Variants in NRXN1 observed in about 807,000 individuals in gnomAD.
The protein encoded by NRXN1 is neurexin 1.
A neutral mutation model predicts 150.9 loss-of-function variants in NRXN1; 39 were observed. The ratio of observed to expected loss-of-function variants is 0.26; its 90% CI spans 0.20 to 0.34. NRXN1 has a LOEUF of 0.34. Among genes scored for constraint, NRXN1 ranks in the 10% least tolerant of loss-of-function variants. The pLI, the probability that NRXN1 is intolerant of heterozygous loss-of-function variation, is 1.00. For synonymous variants in NRXN1, 924 were observed against 757.0 expected, an observed-to-expected ratio of 1.22 and a Z score of -3.62; for missense variants, 1,815 against 1,949.9, an observed-to-expected ratio of 0.93 and a Z score of 1.30.
chr2:50,486,788 G>A (rs1165141972), intron 15 of NRXN1, among the ~76,000 whole-genome samples: 1 of 152,084 alleles, frequency 6.6e-6, no homozygotes, highest in Non-Finnish European at 1.5e-5. Context: ...GCTTGTACTA[G>A]GGTAGTTATG....
intron 5 of NRXN1, among the ~76,000 whole-genome samples, chr2:50,660,709 C>T (rs1559088883): frequency 6.6e-6 from 1 of 151,966 alleles, no homozygotes; most frequent in South Asian, 2.1e-4. Flanking sequence ...AGGAAGCAGG[C>T]CAGTGCCATA....
chr2:50,814,150 CCT>C (rs1175187257), intron 5 of NRXN1, among the ~76,000 whole-genome samples: 1 of 151,922 alleles, frequency 6.6e-6, no homozygotes, highest in African/African-American at 2.4e-5. Context: ...GACTTTCTAC[CCT>C]CTCTGTTTGT....
intron 18 of NRXN1, among the ~76,000 whole-genome samples, chr2:50,163,164 GTATATATA>G (rs59163565): frequency 7.1e-6 from 1 of 141,754 alleles, no homozygotes; most frequent in Non-Finnish European, 1.5e-5. Flanking sequence ...AATCCAAAAT[GTATATATA>G]TATATATATA....
At chr2:50,667,282 T>C (rs1209592400) in intron 5 of NRXN1, among the ~76,000 whole-genome samples, 2 of 151,966 alleles carry the variant, frequency 1.3e-5, no homozygotes, top group Non-Finnish European at 1.5e-5. Context: ...AATTTCATAA[T>C]TGCTATCTTC....
intron 17 of NRXN1, among the ~76,000 whole-genome samples, chr2:50,388,505 A>G (rs543295180): frequency 7.5e-4 from 114 of 152,206 alleles, no homozygotes; most frequent in Admixed American, 2.8e-3. Context: ...ATTGCCCTGT[A>G]TACAAACCAG....
Position 50,991,648 on chromosome 2 carries a change from T to G in NRXN1, c.772+35854A>C, listed in dbSNP as rs562901402. 7.2e-4 allele frequency among the ~76,000 whole-genome samples: 110 copies of G among 152,082 alleles called. 1 individual carries two copies. Among genetic ancestry groups the G allele is most frequent in the African/African-American group, 2.6e-3 (106 of 41,532 alleles). On this transcript the variant is annotated intron_variant, in intron 2 of 22. Transcript: ENST00000401669. ...GCATTTGTCAATGAGGCCTTTGCAC[T>G]TGAAGGAGAAAAACATGGAAAATAG...
At chr2:50,468,821 G>A (rs868634249) in intron 16 of NRXN1, among the ~76,000 whole-genome samples, 47 of 151,466 alleles carry the variant, frequency 3.1e-4, no homozygotes, top group African/African-American at 1.0e-3. Context: ...GAGTCTTGAT[G>A]ATTTAATGAG....
rs187678960 is a variant in NRXN1, at chr2:50,567,673, T to C, written c.1321-14648A>G. 2.9e-4 allele frequency among the ~76,000 whole-genome samples: 44 copies of C among 152,250 alleles called. No homozygotes were observed. In the East Asian group the frequency reaches 5.8e-3, roughly 20 times the overall value. On this transcript the variant is annotated intron_variant, in intron 8 of 22. Coordinates refer to ENST00000401669, the MANE Select transcript of NRXN1 (RefSeq NM_001330078.2). ...AGATTAATGAACTCCATTTAATACG[T>C]TGGAAACATATTTATTAAAACAAGT... is the stretch of plus-strand genomic sequence containing the variant.
At chr2:50,944,493 T>C (rs1416720011) in intron 2 of NRXN1, among the ~76,000 whole-genome samples, 4 of 152,166 alleles carry the variant, frequency 2.6e-5, no homozygotes, top group East Asian at 3.9e-4. Context: ...TAATGAATAA[T>C]AGACACCCAA....
rs771821722 is a variant in NRXN1, at chr2:49,992,964, C to T, written c.4129-49173G>A. 7.2e-5 allele frequency among the ~76,000 whole-genome samples: 11 copies of T among 152,296 alleles called. No homozygotes were observed. In the East Asian group the frequency reaches 1.2e-3, roughly 16 times the overall value. The stretch of plus-strand genomic sequence containing the variant: ...AATGCTCATTCATTGCTAGTAGAAA[C>T]GCACAATTTCACAGCCATTTTGGAA... On this transcript the variant is annotated intron_variant, in intron 21 of 22. Transcript: ENST00000401669.
At chr2:50,788,872 A>G (rs956241856) in intron 5 of NRXN1, among the ~76,000 whole-genome samples, 1 of 152,202 alleles carries the variant, frequency 6.6e-6, no homozygotes, top group African/African-American at 2.4e-5. Context: ...TGATAAGGGT[A>G]ACCGAGGCAT....
intron 18 of NRXN1, among the ~76,000 whole-genome samples, chr2:50,189,308 T>C (rs760102353): frequency 5.3e-5 from 8 of 151,510 alleles, no homozygotes; most frequent in Non-Finnish European, 1.0e-4. Flanking sequence ...TAAGTGGGAG[T>C]TGAACAATGA....
rs897253960 is a variant in NRXN1, at chr2:50,883,478, T to C, written c.832+38391A>G. Among the ~76,000 whole-genome samples the C allele has an allele frequency of 8.7e-4, 132 of 151,694 alleles. 1 individual carries two copies. Among genetic ancestry groups the C allele is most frequent in the Non-Finnish European group, 5.2e-4 (35 of 67,744 alleles). ...CACAACTGTACCCTACAGCAAATAT[T>C]CAAACACTGGAAAATATCTGTGAAT... On this transcript the variant is annotated intron_variant, in intron 5 of 22. Transcript: ENST00000401669.
intron 5 of NRXN1, among the ~76,000 whole-genome samples, chr2:50,764,750 T>C (rs140444983): frequency 1.3e-3 from 199 of 151,990 alleles, no homozygotes; most frequent in Admixed American, 3.3e-3. Flanking sequence ...AGGGAGTGAA[T>C]GAGTGAGGAT....
chr2:50,236,524 CA>C (rs2065440895), intron 18 of NRXN1, among the ~76,000 whole-genome samples: 1 of 142,232 alleles, frequency 7.0e-6, no homozygotes, highest in South Asian at 2.2e-4. Flanking sequence ...AAAATCACTC[CA>C]AAATTTTTTT....
intron 5 of NRXN1, among the ~76,000 whole-genome samples, chr2:50,667,324 T>G (rs944653731): frequency 6.6e-6 from 1 of 152,044 alleles, no homozygotes; most frequent in East Asian, 1.9e-4. Flanking sequence ...GCTTCTTCTA[T>G]TAACATTTAG....
At chr2:50,339,376 A>C (rs1406939068) in intron 17 of NRXN1, among the ~76,000 whole-genome samples, 2 of 152,212 alleles carry the variant, frequency 1.3e-5, no homozygotes, top group Non-Finnish European at 2.9e-5. Context: ...AATACATTTA[A>C]ACTGGGGATC....
At chr2:50,653,892 C>A (rs1318977162) in intron 5 of NRXN1, among the ~76,000 whole-genome samples, 2 of 151,100 alleles carry the variant, frequency 1.3e-5, no homozygotes, top group Non-Finnish European at 2.9e-5. Context: ...CCTTCATTTT[C>A]TTTTGTGACA....
intron 21 of NRXN1, among the ~76,000 whole-genome samples, chr2:50,013,544 G>T (rs2152548628): frequency 6.6e-6 from 1 of 152,200 alleles, no homozygotes; most frequent in Middle Eastern, 3.4e-3. Context: ...AATAAGGTAA[G>T]ACATGCCATG....
Sources: allele counts gnomAD v4.1 joint callset (sites outside exome capture counted in the v4.1 genomes callset), GRCh38; gene constraint gnomAD v4.1.1; transcripts MANE v1.5; gene names NCBI Gene and HGNC (gene_info 2026-07-23, HGNC 2026-07-21).